The following ZMYM6 variants were observed in gnomAD, a reference collection of about 807,000 sequenced individuals.
The protein encoded by ZMYM6 is zinc finger MYM-type protein 6.
In ZMYM6, 90 loss-of-function variants were observed where a neutral mutation model predicts 134.0. The ratio of observed to expected loss-of-function variants is 0.67; its 90% CI spans 0.57 to 0.80. ZMYM6 has a LOEUF of 0.80. ZMYM6 is among the 30% of genes least tolerant of loss of function. The probability of loss-of-function intolerance (pLI) is 0.00; values close to 1 mark genes in which losing one functional copy is unlikely to be tolerated. For synonymous variants in ZMYM6, 481 were observed against 524.1 expected (o/e 0.92, Z 1.12); for missense variants, 1,362 against 1,533.9 (o/e 0.89, Z 1.87).
chr1:35,022,448 G>C (rs1380846262), intron 2 of ZMYM6, among the ~76,000 whole-genome samples: 2 of 151,974 alleles, frequency 1.3e-5, no homozygotes, highest in Non-Finnish European at 2.9e-5. Context: ...ATTTTTAGTA[G>C]AGACAGAGTT....
Position 34,987,678 on chromosome 1 carries a change from G to C in ZMYM6, c.3404C>G (p.Thr1135Ser). Residue 1135 changes from threonine (T) to serine (S), a missense_variant, in exon 16 of 16, where the codon ACT (threonine) becomes AGT (serine). Physicochemically the swap from Thr to Ser is moderately conservative, Grantham distance 58 (BLOSUM62 1). Transcript: ENST00000357182. ...TTTATTACACAAATTGAAGAAAGTAGTCAAAGTTCCTTGGAGACTTAAATT... is the reference window on the plus strand; with the variant it reads ...TTTATTACACAAATTGAAGAAAGTACTCAAAGTTCCTTGGAGACTTAAATT... ...ELNLSLQGTL[T>S]TFFNLCNKID... 6.4e-7 allele frequency: 1 copy of C among 1,552,576 alleles called. No homozygotes were observed. Among genetic ancestry groups the C allele is most frequent in the Non-Finnish European group, 8.7e-7 (1 of 1,147,756 alleles).
intron 2 of ZMYM6, among the ~76,000 whole-genome samples, chr1:35,021,815 G>A (rs1397809450): frequency 2.0e-5 from 3 of 151,732 alleles, no homozygotes; most frequent in Admixed American, 6.6e-5. Context: ...TCTTTAAAAC[G>A]TTTTAAAACA....
chr1:35,012,068 G>C lies in ZMYM6; in HGVS notation c.947-63C>G, dbSNP rs1271091969. 3.0e-6 allele frequency: 3 copies of C among 1,010,498 alleles called. No individual in the cohort carries two copies. In the African/African-American group the frequency reaches 5.0e-5, roughly 17 times the overall value. 62.6% of individuals were successfully genotyped at this position (1,010,498 alleles called of 1,614,324 possible). ...ACCAATGAACAAACAATACAAAAAT[G>C]TATTGGGAGAATGAAAAAATTAAAT... On this transcript the variant is annotated intron_variant, in intron 7 of 15. Transcript: ENST00000357182.
intron 15 of ZMYM6, among the ~76,000 whole-genome samples, chr1:34,990,472 G>A (rs189574149): frequency 6.6e-6 from 1 of 152,192 alleles, no homozygotes; most frequent in Admixed American, 6.5e-5. Context: ...GACAGAGATA[G>A]ACTCTGTCTC....
chr1:35,020,716 G>A (rs578242532), intron 2 of ZMYM6, among the ~76,000 whole-genome samples: 30 of 151,992 alleles, frequency 2.0e-4, no homozygotes, highest in African/African-American at 7.0e-4. Context: ...GGGACTACAG[G>A]TATGTGCTAC....
intron 14 of ZMYM6, among the ~76,000 whole-genome samples, chr1:35,002,456 C>T (rs903277949): frequency 3.9e-4 from 60 of 152,176 alleles, no homozygotes; most frequent in African/African-American, 1.3e-3. Flanking sequence ...CACCTCTTTT[C>T]AAATCAAAAT....
chr1:35,022,499 G>C (rs1165780813), intron 2 of ZMYM6, among the ~76,000 whole-genome samples: 1 of 152,054 alleles, frequency 6.6e-6, no homozygotes, highest in Non-Finnish European at 1.5e-5. Flanking sequence ...CCTGACCTCA[G>C]GTGACCCACC....
intron 12 of ZMYM6, among the ~76,000 whole-genome samples, chr1:35,005,519 G>A (rs1445781412): frequency 6.6e-6 from 1 of 150,692 alleles, no homozygotes; most frequent in East Asian, 2.0e-4. Flanking sequence ...ACAGGTATTG[G>A]ATACAGTGGC....
chr1:35,011,197 G>A (rs1040615068), intron 8 of ZMYM6, among the ~76,000 whole-genome samples, 161 bp from the exon 9 acceptor site: 1 of 151,924 alleles, frequency 6.6e-6, no homozygotes, highest in African/African-American at 2.4e-5. Context: ...AGAATAAAAG[G>A]ACTGAGAAAT....
chr1:34,989,377 T>TAAA (rs572006218), intron 15 of ZMYM6: 7 of 249,922 alleles, frequency 2.8e-5, no homozygotes, highest in Admixed American at 7.7e-5. Context: ...ATCTCTACAT[T>TAAA]AAAAAAAAAA....
At chr1:35,025,146 C>T (rs190407213) in intron 2 of ZMYM6, among the ~76,000 whole-genome samples, 5 of 147,638 alleles carry the variant, frequency 3.4e-5, no homozygotes, top group Admixed American at 3.4e-4. Context: ...GCTGGGATTA[C>T]AGGTATGAGC....
At chr1:34,990,870 A>T (rs1234991964) in intron 15 of ZMYM6, among the ~76,000 whole-genome samples, 1 of 152,136 alleles carries the variant, frequency 6.6e-6, no homozygotes, top group Non-Finnish European at 1.5e-5. Context: ...TTCGAGATTT[A>T]TTCTTTTAAA....
intron 1 of ZMYM6, 185 bp from the exon 2 acceptor site, chr1:35,030,898 T>C (rs1641510259): frequency 2.1e-6 from 1 of 474,636 alleles, no homozygotes; most frequent in African/African-American, 2.0e-5. Context: ...AAAACAGTTT[T>C]GGGGCAACAG....
chr1:35,009,592 G>A (rs192898973), intron 10 of ZMYM6, among the ~76,000 whole-genome samples: 1 of 152,248 alleles, frequency 6.6e-6, no homozygotes, highest in Non-Finnish European at 1.5e-5. Flanking sequence ...TACCACTGAT[G>A]TAATCATTTT....
At chr1:35,023,939 C>A (rs972492444) in intron 2 of ZMYM6, among the ~76,000 whole-genome samples, 1 of 152,126 alleles carries the variant, frequency 6.6e-6, no homozygotes, top group Non-Finnish European at 1.5e-5. Flanking sequence ...ATAAAAATTT[C>A]TTTGCCTTAT....
chr1:35,012,364 G>T, intron 7 of ZMYM6, 67 bp downstream of exon 7: 1 of 1,299,770 alleles, frequency 7.7e-7, no homozygotes, highest in South Asian at 1.9e-5. Context: ...AACAAAATCA[G>T]AGAAAAGCAG....
At chr1:35,015,565 A>G (rs1475161681) in intron 4 of ZMYM6, among the ~76,000 whole-genome samples, 1 of 151,242 alleles carries the variant, frequency 6.6e-6, no homozygotes, top group Non-Finnish European at 1.5e-5. Flanking sequence ...CTCTACTAAA[A>G]ATACAAAAAC....
At chr1:35,004,200 T>C (rs1018623583) in intron 13 of ZMYM6, among the ~76,000 whole-genome samples, 195 bp from the exon 14 acceptor site, 1 of 152,094 alleles carries the variant, frequency 6.6e-6, no homozygotes. Context: ...CCCAATCCCA[T>C]CCAACTGTAT....
chr1:35,004,823 C>T (rs1640937087), intron 13 of ZMYM6, among the ~76,000 whole-genome samples: 1 of 151,852 alleles, frequency 6.6e-6, no homozygotes, highest in Non-Finnish European at 1.5e-5. Flanking sequence ...TTTGGGAGGC[C>T]GAGGCAGGTG....
Sources: allele counts gnomAD v4.1 joint callset (sites outside exome capture counted in the v4.1 genomes callset), GRCh38; gene constraint gnomAD v4.1.1; transcripts MANE v1.5; gene names NCBI Gene and HGNC (gene_info 2026-07-23, HGNC 2026-07-21).